Variants in CLSTN2 observed in about 807,000 individuals in gnomAD.
CLSTN2 encodes the protein calsyntenin-2.
In CLSTN2, 48 loss-of-function variants were observed where a neutral mutation model predicts 101.2. That is an observed-to-expected ratio of 0.47 (90% CI 0.38 to 0.60). The LOEUF (loss-of-function observed/expected upper bound fraction) is 0.60. CLSTN2 is among the 20% of genes least tolerant of loss of function. CLSTN2 has a pLI of 0.00. For missense variants in CLSTN2, 1,160 were observed against 1,238.2 expected (o/e 0.94, Z 0.95); for synonymous variants, 481 against 463.6 (o/e 1.04, Z -0.48).
At chr3:140,201,593 A>G (rs1489204778) in intron 2 of CLSTN2, among the ~76,000 whole-genome samples, 4 of 152,190 alleles carry the variant, frequency 2.6e-5, no homozygotes, top group Admixed American at 6.5e-5. Context: ...TACAACTTCT[A>G]TAACTTCCAG....
intron 2 of CLSTN2, among the ~76,000 whole-genome samples, chr3:140,389,925 T>C (rs1403951606): frequency 6.6e-6 from 1 of 152,206 alleles, no homozygotes. Context: ...GTGACAGATT[T>C]TGGTATTAGG....
intron 2 of CLSTN2, among the ~76,000 whole-genome samples, chr3:140,393,464 C>T (rs1265401093): frequency 1.3e-5 from 2 of 152,188 alleles, no homozygotes; most frequent in Non-Finnish European, 2.9e-5. Context: ...TGAAACTTAA[C>T]TTTAACCCGC....
chr3:140,307,257 C>T (rs2087123185), intron 2 of CLSTN2, among the ~76,000 whole-genome samples: 1 of 152,140 alleles, frequency 6.6e-6, no homozygotes, highest in African/African-American at 2.4e-5. Flanking sequence ...AGCATGATAA[C>T]AAACTAATAC....
chr3:140,480,000 G>A (rs924693661), intron 8 of CLSTN2, among the ~76,000 whole-genome samples: 6 of 151,682 alleles, frequency 4.0e-5, no homozygotes, highest in Non-Finnish European at 8.8e-5. Context: ...CGTGCACAAC[G>A]TGCAGGTTTG....
At chr3:139,952,468 A>G (rs55686634) in intron 1 of CLSTN2, among the ~76,000 whole-genome samples, 4,887 of 147,374 alleles carry the variant, frequency 0.033, 286 homozygotes, top group African/African-American at 0.11. Flanking sequence ...TTTTGCCCCT[A>G]CATTGGTTCC....
intron 1 of CLSTN2, among the ~76,000 whole-genome samples, chr3:140,109,894 T>C (rs1228365194): frequency 2.0e-5 from 3 of 152,164 alleles, no homozygotes; most frequent in Non-Finnish European, 2.9e-5. Flanking sequence ...TCTCTGTGGC[T>C]TGTTTTTCCC....
At chr3:140,027,173 C>A (rs1455444634) in intron 1 of CLSTN2, among the ~76,000 whole-genome samples, 1 of 152,204 alleles carries the variant, frequency 6.6e-6, no homozygotes, top group Non-Finnish European at 1.5e-5. Context: ...GGAGAAATGG[C>A]TTTGCTTTAG....
At chr3:140,356,253 G>A (rs893664016) in intron 2 of CLSTN2, among the ~76,000 whole-genome samples, 1 of 152,214 alleles carries the variant, frequency 6.6e-6, no homozygotes. Context: ...ATCAGAGGGA[G>A]CAGAAAGCAG....
chr3:140,143,986 T>C (rs538246853), intron 1 of CLSTN2, among the ~76,000 whole-genome samples: 17 of 152,304 alleles, frequency 1.1e-4, no homozygotes, highest in African/African-American at 3.6e-4. Context: ...TTGAATGTGC[T>C]CCCCAGTGCT....
chr3:140,143,150 G>A (rs1481323158), intron 1 of CLSTN2, among the ~76,000 whole-genome samples: 5 of 152,166 alleles, frequency 3.3e-5, no homozygotes. Context: ...GGCAGCTGCT[G>A]TTATAATGAT....
chr3:140,139,017 T>A (rs1229327080), intron 1 of CLSTN2, among the ~76,000 whole-genome samples: 3 of 152,260 alleles, frequency 2.0e-5, no homozygotes, highest in African/African-American at 7.2e-5. Flanking sequence ...TAATTATTTC[T>A]GTCACCTGGA....
intron 4 of CLSTN2, among the ~76,000 whole-genome samples, chr3:140,409,743 C>T (rs902545679): frequency 6.6e-6 from 1 of 151,934 alleles, no homozygotes; most frequent in African/African-American, 2.4e-5. Context: ...AGAATTTGAA[C>T]TAAATTGTTC....
intron 1 of CLSTN2, among the ~76,000 whole-genome samples, chr3:140,066,314 C>T (rs1251124586): frequency 1.3e-5 from 2 of 152,204 alleles, no homozygotes; most frequent in Non-Finnish European, 2.9e-5. Flanking sequence ...AAGGGAAGCA[C>T]ATAGCCTCCA....
chr3:140,213,535 TGGCCCACAGGCCTGGGAAGAGATACA>T (rs1193816610), intron 2 of CLSTN2, among the ~76,000 whole-genome samples: 1 of 152,186 alleles, frequency 6.6e-6, no homozygotes, highest in Non-Finnish European at 1.5e-5. Flanking sequence ...GAGGAGCACA[TGGCCCACAGGCCTGGGAAGAGATACA>T]GGCCCAGAGC....
At chr3:140,091,766 T>C (rs977475211) in intron 1 of CLSTN2, among the ~76,000 whole-genome samples, 1 of 152,190 alleles carries the variant, frequency 6.6e-6, no homozygotes, top group Non-Finnish European at 1.5e-5. Context: ...TTGTTGATGA[T>C]GTACTTAAAA....
rs142569396 is a variant in CLSTN2 at position 140,280,514 on chromosome 3, G to A, written c.232+104441G>A. Among the ~76,000 whole-genome samples, 503 of 152,262 alleles carry A rather than the reference G, an allele frequency of 3.3e-3. 4 individuals are homozygous for A. The highest frequency in any genetic ancestry group is 0.011 in the African/African-American group (455 of 41,560). On this transcript the variant is annotated intron_variant, in intron 2 of 16. Transcript: ENST00000458420. ...GAATTCTTCACACTTCGGACAGTGA[G>A]GAAAGCAATTGGGAAGCAGCTCCCA...
At chr3:140,052,403 GC>G (rs1195117615) in intron 1 of CLSTN2, among the ~76,000 whole-genome samples, 1 of 152,106 alleles carries the variant, frequency 6.6e-6, no homozygotes, top group Non-Finnish European at 1.5e-5. Flanking sequence ...TGATCCACCT[GC>G]CTCGGCCTCC....
chr3:140,084,137 T>C (rs2008642266), intron 1 of CLSTN2, among the ~76,000 whole-genome samples: 1 of 152,136 alleles, frequency 6.6e-6, no homozygotes, highest in Non-Finnish European at 1.5e-5. Flanking sequence ...TGAATCAGCA[T>C]ATTGGTGTTC....
intron 1 of CLSTN2, among the ~76,000 whole-genome samples, chr3:139,985,102 TA>T (rs1936000241): frequency 6.6e-6 from 1 of 152,236 alleles, no homozygotes; most frequent in Non-Finnish European, 1.5e-5. Flanking sequence ...TGTCACCTGT[TA>T]CATGGTCTCC....
Sources: gnomAD v4.1 joint callset for allele counts (sites outside exome capture counted in the v4.1 genomes callset) on GRCh38, gnomAD v4.1.1 for gene constraint, MANE v1.5 for transcripts, NCBI Gene and HGNC (gene_info 2026-07-23, HGNC 2026-07-21) for gene names.